Variants in PTER observed in about 807,000 individuals in gnomAD.
PTER encodes the protein phosphotriesterase related.
Under a neutral mutation model 29.6 loss-of-function variants are expected in PTER, and 38 were observed. That is an observed-to-expected ratio of 1.28 (90% confidence interval 0.99 to 1.68). The LOEUF (loss-of-function observed/expected upper bound fraction) is 1.68. Ranked by LOEUF, PTER falls within the 40% of genes most tolerant of loss-of-function variation. PTER has a pLI of 0.00. For synonymous variants in PTER, 172 were observed against 154.5 expected, an observed-to-expected ratio of 1.11 and a Z score of -0.84; for missense variants, 482 against 427.8, an observed-to-expected ratio of 1.13 and a Z score of -1.12.
chr10:16,519,005 C>G, the PTER span, among the ~76,000 whole-genome samples: 6 of 152,082 alleles, frequency 3.9e-5, no homozygotes, highest in East Asian at 1.2e-3. Context: ...CTATAATAAA[C>G]AACCCTGTCA....
downstream of PTER, chr10:16,514,835 T>C: frequency 1.5e-6 from 1 of 675,380 alleles, no homozygotes; most frequent in Non-Finnish European, 2.5e-6. Context: ...AAGTCCATGT[T>C]GACCTCAGAG....
At chr10:16,442,204 A>G (rs1247912995) in intron 1 of PTER, among the ~76,000 whole-genome samples, 1 of 152,122 alleles carries the variant, frequency 6.6e-6, no homozygotes, top group Non-Finnish European at 1.5e-5. Flanking sequence ...GTGGCTTACT[A>G]TTTTCCAAAT....
At chr10:16,445,160 A>G (rs898929034) in intron 1 of PTER, among the ~76,000 whole-genome samples, 3 of 152,244 alleles carry the variant, frequency 2.0e-5, no homozygotes, top group Non-Finnish European at 4.4e-5. Flanking sequence ...AAAATTCGAT[A>G]CCTATATAAG....
Position 16,496,690 on chromosome 10 carries a change from C to G in PTER, c.699-8330C>G, listed in dbSNP as rs114381586. Among the ~76,000 whole-genome samples the G allele has an allele frequency of 2.0e-3, 300 of 152,290 alleles. 3 individuals carry two copies. Among genetic ancestry groups the G allele is most frequent in the African/African-American group, 6.3e-3 (260 of 41,570 alleles). ...ATAGCAAGTATTTGTTTCCGTGTCT[C>G]TTTTCCACAGTAGATACTGAAATTC... On this transcript the variant is annotated intron_variant, in intron 3 of 4. Transcript: ENST00000535784.
chr10:16,465,936 T>C lies in PTER; in HGVS notation c.-48-18401T>C, dbSNP rs1469613677. ...TCTCATGAGAACCCACTAACTATCATGAGAACAGCATGGGGAAAACTGTCG... is the reference window on the plus strand; with the variant it reads ...TCTCATGAGAACCCACTAACTATCACGAGAACAGCATGGGGAAAACTGTCG... On this transcript the variant is annotated intron_variant, in intron 1 of 4. Transcript: ENST00000535784. Among the ~76,000 whole-genome samples, 10 of 152,242 alleles carry C rather than the reference T, an allele frequency of 6.6e-5. No individual in the cohort carries two copies. The East Asian group carries it at 1.7e-3, about 26-fold the overall frequency.
At chr10:16,446,678 G>C (rs1464794825) in intron 1 of PTER, among the ~76,000 whole-genome samples, 3 of 152,154 alleles carry the variant, frequency 2.0e-5, no homozygotes, top group African/African-American at 7.2e-5. Context: ...GTTGCTACTC[G>C]TTATTGTTGC....
At position 16,484,409 on chromosome 10, in the gene PTER, C is replaced by T; in HGVS notation, c.25C>T (p.Gln9Ter). 1.9e-6 allele frequency: 3 copies of T among 1,596,604 alleles called. No homozygotes were observed. The highest frequency in any genetic ancestry group is 2.3e-5 in the South Asian group (2 of 87,246). ...AATGTCTTCCTTAAGTGGAAAAGTC[C>T]AAACCGTTTTGGGCCTTGTAGAGCC... MSSLSGKVQTVLGLVEPSK... is the reference protein window; with the variant it reads MSSLSGKV The change falls in exon 2 of 5, where the codon CAA becomes TAA. Residue 9 changes from glutamine (Q) to a stop codon, truncating the protein, a stop_gained. Transcript: ENST00000535784. LOFTEE classifies it high-confidence loss of function.
chr10:16,484,209 T>G (rs910558380), intron 1 of PTER, 128 bp from the exon 2 acceptor site: 3 of 601,174 alleles, frequency 5.0e-6, no homozygotes, highest in Non-Finnish European at 8.4e-6. Context: ...TGAGATCGTA[T>G]CTCTAGTTTT....
chr10:16,486,042 A>AT (rs1324506724), intron 2 of PTER, among the ~76,000 whole-genome samples: 9 of 151,384 alleles, frequency 5.9e-5, no homozygotes, highest in African/African-American at 1.5e-4. Context: ...TAAGTTACAG[A>AT]TTTTTTTTTG....
In PTER at chr10:16,511,378, T is replaced by G. The variant is rs562207405; in HGVS notation, c.*122T>G. On this transcript the variant is annotated 3_prime_UTR_variant, in exon 5 of 5. Transcript: ENST00000535784. ...CTAATGACAGATCATTTCCTTCTGA[T>G]GAGAACTAGGAGGGTTTGCCTTCTC... 1.1e-6 allele frequency: 1 copy of G among 930,338 alleles called. No homozygotes were observed. 57.6% of individuals were successfully genotyped at this position (930,338 alleles called of 1,614,324 possible).
chr10:16,517,124 T>C (rs1243327487), downstream of PTER, among the ~76,000 whole-genome samples: 1 of 152,216 alleles, frequency 6.6e-6, no homozygotes, highest in South Asian at 2.1e-4. Context: ...TTCCTAAATG[T>C]ACAGTGATTT....
chr10:16,476,826 G>A (rs1835283749), intron 1 of PTER, among the ~76,000 whole-genome samples: 1 of 150,640 alleles, frequency 6.6e-6, no homozygotes, highest in South Asian at 2.1e-4. Context: ...GCCTCTCAAA[G>A]TCCTGGAATT....
chr10:16,468,893 T>C (rs993657369), intron 1 of PTER, among the ~76,000 whole-genome samples: 2 of 152,044 alleles, frequency 1.3e-5, no homozygotes, highest in African/African-American at 4.8e-5. Flanking sequence ...GAGGATCTCT[T>C]GAGCCCAGGA....
chr10:16,514,352 T>C (rs1272663718), downstream of PTER: 1 of 598,414 alleles, frequency 1.7e-6, no homozygotes, highest in Admixed American at 3.1e-5. Context: ...TGCTTTGATA[T>C]TTTTTACATA....
chr10:16,439,074 A>C (rs1261361193), intron 1 of PTER, among the ~76,000 whole-genome samples: 4 of 152,092 alleles, frequency 2.6e-5, no homozygotes, highest in African/African-American at 9.7e-5. Context: ...ACCAGAATAG[A>C]TTGAGAGGGT....
chr10:16,470,752 A>T (rs564679662), intron 1 of PTER, among the ~76,000 whole-genome samples: 11 of 152,302 alleles, frequency 7.2e-5, no homozygotes, highest in Admixed American at 6.5e-4. Flanking sequence ...TGGGTGACAG[A>T]GCAAGGCTCC....
intron 4 of PTER, among the ~76,000 whole-genome samples, chr10:16,505,826 A>G (rs1397691511): frequency 6.6e-6 from 1 of 152,182 alleles, no homozygotes; most frequent in African/African-American, 2.4e-5. Flanking sequence ...TTGGAGATTG[A>G]CAAGGAAGGC....
intron 1 of PTER, among the ~76,000 whole-genome samples, chr10:16,461,952 C>G (rs1834628423): frequency 6.7e-6 from 1 of 149,780 alleles, no homozygotes; most frequent in Non-Finnish European, 1.5e-5. Context: ...ACTGGGGTCT[C>G]TGTTTTACTG....
chr10:16,475,390 G>T (rs1052578564), intron 1 of PTER, among the ~76,000 whole-genome samples: 2 of 152,126 alleles, frequency 1.3e-5, no homozygotes, highest in Non-Finnish European at 2.9e-5. Context: ...ATGACTGGGG[G>T]CCCTGGGATG....
Sources: allele counts gnomAD v4.1 joint callset (sites outside exome capture counted in the v4.1 genomes callset), GRCh38; gene constraint gnomAD v4.1.1; transcripts MANE v1.5; gene names NCBI Gene and HGNC (gene_info 2026-07-23, HGNC 2026-07-21).